The following PPP4R4 variants were observed in gnomAD, a reference collection of about 807,000 sequenced individuals.
PPP4R4 encodes serine/threonine-protein phosphatase 4 regulatory subunit 4.
In PPP4R4, 70 loss-of-function variants were observed where a neutral mutation model predicts 121.8. The ratio of observed to expected loss-of-function variants is 0.57; its 90% confidence interval spans 0.47 to 0.70. The LOEUF is 0.70. Ranked by LOEUF, PPP4R4 falls within the 30% of genes least tolerant of loss-of-function variation. The pLI is 0.00. For synonymous variants in PPP4R4, 348 were observed against 355.7 expected (o/e 0.98, Z 0.24); for missense variants, 875 against 1,033.6 (o/e 0.85, Z 2.10).
chr14:94,258,254 C>G (rs1382693295), intron 17 of PPP4R4, among the ~76,000 whole-genome samples: 1 of 152,066 alleles, frequency 6.6e-6, no homozygotes, highest in East Asian at 1.9e-4. Context: ...AGACAGAACC[C>G]TGGGTTAGAT....
intron 2 of PPP4R4, among the ~76,000 whole-genome samples, chr14:94,196,502 C>T (rs999610018): frequency 9.9e-5 from 15 of 151,628 alleles, no homozygotes; most frequent in African/African-American, 1.9e-4. Context: ...TTAGTAGAGA[C>T]GGGGTTTCAC....
intron 2 of PPP4R4, among the ~76,000 whole-genome samples, chr14:94,206,143 A>G (rs959297624): frequency 3.0e-5 from 4 of 134,012 alleles, no homozygotes; most frequent in Non-Finnish European, 1.7e-5. Flanking sequence ...ATATTTTGCA[A>G]CTCAGTTTGT....
At position 94,174,670 on chromosome 14, in the gene PPP4R4, C is replaced by T. The variant is rs893327365; in HGVS notation, c.117+88C>T. 2.6e-6 allele frequency: 4 copies of T among 1,512,022 alleles called. No individual in the cohort carries two copies. In the South Asian group the frequency reaches 3.7e-5, roughly 14 times the overall value. The allele number at this position is 1,512,022 out of a possible 1,614,324, so 93.7% of individuals were successfully genotyped here. A position where few individuals can be genotyped will look rare whatever the true frequency, so the allele number is the denominator to read the frequency against. Reference sequence around the variant, plus strand: ...GCTGATCTCTGCCCCACGCCACCACCCTCCCCTCCTCCGGGCCGCCGGGAC... The same window carrying T: ...GCTGATCTCTGCCCCACGCCACCACTCTCCCCTCCTCCGGGCCGCCGGGAC... On this transcript the variant is annotated intron_variant, in intron 1 of 24. Coordinates refer to ENST00000304338, the MANE Select transcript of PPP4R4 (RefSeq NM_058237.2).
At chr14:94,250,064 C>T (rs1893095630) in intron 14 of PPP4R4, 108 bp from the exon 15 acceptor site, 1 of 673,748 alleles carries the variant, frequency 1.5e-6, no homozygotes. Context: ...AGTTGAGAGG[C>T]AGTGAACACT....
chr14:94,200,967 C>T (rs1049143166), intron 2 of PPP4R4, among the ~76,000 whole-genome samples: 14 of 152,128 alleles, frequency 9.2e-5, no homozygotes, highest in African/African-American at 3.4e-4. Flanking sequence ...ACATTTAATG[C>T]TATGAACTCT....
At chr14:94,259,863 A>T (rs895521829) in intron 19 of PPP4R4, among the ~76,000 whole-genome samples, 1 of 152,178 alleles carries the variant, frequency 6.6e-6, no homozygotes, top group Non-Finnish European at 1.5e-5. Context: ...TTTGAGATTC[A>T]TCCATATTAT....
intron 6 of PPP4R4, 138 bp downstream of exon 6, chr14:94,233,897 C>T (rs944828408): frequency 1.1e-5 from 7 of 624,796 alleles, no homozygotes; most frequent in Non-Finnish European, 1.6e-5. Flanking sequence ...TTATGGAATT[C>T]TCATGACGAA....
At chr14:94,250,673 A>G (rs1893134535) in intron 15 of PPP4R4, among the ~76,000 whole-genome samples, 1 of 151,958 alleles carries the variant, frequency 6.6e-6, no homozygotes, top group African/African-American at 2.4e-5. Flanking sequence ...TTGATAGTAT[A>G]TTTGAATATT....
intron 23 of PPP4R4, 64 bp downstream of exon 23, chr14:94,267,093 T>A: frequency 1.7e-6 from 2 of 1,149,586 alleles, no homozygotes; most frequent in Non-Finnish European, 2.6e-6. Flanking sequence ...TTTCCTTAAA[T>A]GACCTATTTC....
chr14:94,179,397 G>GTAGTTTAT, intron 2 of PPP4R4, among the ~76,000 whole-genome samples: 1 of 152,320 alleles, frequency 6.6e-6, no homozygotes, highest in East Asian at 1.9e-4. Flanking sequence ...GCAGCTATCA[G>GTAGTTTAT]TAGTTTATTC....
chr14:94,260,218 G>C (rs1201871274), intron 19 of PPP4R4, among the ~76,000 whole-genome samples: 1 of 152,140 alleles, frequency 6.6e-6, no homozygotes, highest in African/African-American at 2.4e-5. Flanking sequence ...GAGGTCAGGA[G>C]ATCAAGACCA....
intron 16 of PPP4R4, among the ~76,000 whole-genome samples, chr14:94,255,082 G>T (rs1423178077): frequency 6.6e-6 from 1 of 152,136 alleles, no homozygotes; most frequent in East Asian, 1.9e-4. Context: ...AACTTATTGA[G>T]CCTGTTGCCC....
At chr14:94,239,681 C>T (rs1181546949) in intron 8 of PPP4R4, among the ~76,000 whole-genome samples, 2 of 151,942 alleles carry the variant, frequency 1.3e-5, no homozygotes, top group Admixed American at 6.6e-5. Context: ...TTTTGTGATG[C>T]AAGAACAGAG....
intron 15 of PPP4R4, among the ~76,000 whole-genome samples, chr14:94,250,981 A>G (rs1430956128): frequency 6.6e-6 from 1 of 152,028 alleles, no homozygotes; most frequent in African/African-American, 2.4e-5. Context: ...CTACTTTTCA[A>G]AAAATTAGAG....
rs532891786 is a variant in PPP4R4 at position 94,235,567 on chromosome 14, T to G, written c.731+898T>G. Among the ~76,000 whole-genome samples the G allele has an allele frequency of 3.3e-5, 5 of 151,772 alleles. No homozygotes were observed. The East Asian group carries it at 9.7e-4, about 29-fold the overall frequency. On this transcript the variant is annotated intron_variant, in intron 7 of 24. Transcript: ENST00000304338. ...GGTGCCCACCACCACGCCCGGCTAATTTTTTGTATTTTTAGTAGAGACGGG... is the reference window on the plus strand; with the variant it reads ...GGTGCCCACCACCACGCCCGGCTAAGTTTTTGTATTTTTAGTAGAGACGGG...
chr14:94,187,968 A>C (rs1434394779), intron 2 of PPP4R4, among the ~76,000 whole-genome samples: 1 of 152,204 alleles, frequency 6.6e-6, no homozygotes, highest in East Asian at 1.9e-4. Context: ...AGTTAAGGAA[A>C]TACCTGCCAG....
chr14:94,267,094 G>A (rs955104002), intron 23 of PPP4R4, 65 bp downstream of exon 23: 5 of 1,121,542 alleles, frequency 4.5e-6, no homozygotes, highest in African/African-American at 1.6e-5. Flanking sequence ...TTCCTTAAAT[G>A]ACCTATTTCT....
chr14:94,264,741 C>T lies in PPP4R4; in HGVS notation c.2128-137C>T, dbSNP rs1366513603. 12 of 676,208 alleles carry T rather than the reference C, an allele frequency of 1.8e-5. No homozygotes were observed. In the East Asian group the frequency reaches 2.8e-4, roughly 16 times the overall value. 41.9% of individuals were successfully genotyped at this position (676,208 alleles called of 1,614,324 possible). On this transcript the variant is annotated intron_variant, in intron 19 of 24. Transcript: ENST00000304338. ...CTGAAAGAACCCTGAATTCTTTAGA[C>T]ACTAACATTGGAAAAAAATACTTCT...
In PPP4R4 at chr14:94,251,490, A is replaced by G. The variant is rs143884010; in HGVS notation, c.1718-259A>G. 3.2e-4 allele frequency among the ~76,000 whole-genome samples: 49 copies of G among 152,244 alleles called. No homozygotes were observed. In the South Asian group the frequency reaches 8.5e-3, roughly 26 times the overall value. On this transcript the variant is annotated intron_variant, in intron 15 of 24. Transcript: ENST00000304338. ...TAGTGGGTGATAAAAAGTAGTAAAT[A>G]CAGTCATTCCATAGTTAATAAATGC... is the stretch of plus-strand genomic sequence containing the variant.
Sources: gnomAD v4.1 joint callset for allele counts (sites outside exome capture counted in the v4.1 genomes callset) on GRCh38, gnomAD v4.1.1 for gene constraint, MANE v1.5 for transcripts, NCBI Gene and HGNC (gene_info 2026-07-23, HGNC 2026-07-21) for gene names.